The following PTPRD variants were observed in gnomAD, a reference collection of about 807,000 sequenced individuals.
The protein encoded by PTPRD is protein tyrosine phosphatase receptor type D.
A neutral mutation model predicts 214.5 loss-of-function variants in PTPRD; 34 were observed. The observed-to-expected ratio is 0.16, with a 90% CI of 0.12 to 0.21. PTPRD has a LOEUF of 0.21. PTPRD is among the 10% of genes least tolerant of loss of function. PTPRD has a pLI of 1.00. For synonymous variants in PTPRD, 1,128 were observed against 845.7 expected (o/e 1.33, Z -5.79); for missense variants, 2,545 against 2,398.7 (o/e 1.06, Z -1.27).
At chr9:8,750,778 T>A (rs527251428) in intron 11 of PTPRD, among the ~76,000 whole-genome samples, 6 of 152,080 alleles carry the variant, frequency 3.9e-5, no homozygotes, top group African/African-American at 1.4e-4. Flanking sequence ...TGGGCCCAGG[T>A]TGCACAGGGC....
intron 5 of PTPRD, among the ~76,000 whole-genome samples, chr9:9,848,915 A>T (rs538757939): frequency 1.3e-5 from 2 of 152,194 alleles, no homozygotes; most frequent in South Asian, 4.1e-4. Flanking sequence ...ATAAAAAATG[A>T]GCACTTTGGT....
intron 10 of PTPRD, among the ~76,000 whole-genome samples, chr9:9,177,269 GGGGAAAC>G (rs2099925479): frequency 6.6e-6 from 1 of 151,896 alleles, no homozygotes; most frequent in East Asian, 1.9e-4. Flanking sequence ...AAACAGCATG[GGGGAAAC>G]TGCCCCCATG....
intron 5 of PTPRD, among the ~76,000 whole-genome samples, chr9:9,824,411 T>A (rs771051375): frequency 2.0e-5 from 3 of 152,032 alleles, no homozygotes; most frequent in African/African-American, 2.4e-5. Flanking sequence ...CTAAATAATT[T>A]TTGTCATACC....
At chr9:10,172,374 A>G (rs956839797) in intron 3 of PTPRD, among the ~76,000 whole-genome samples, 1 of 152,216 alleles carries the variant, frequency 6.6e-6, no homozygotes, top group Non-Finnish European at 1.5e-5. Context: ...GATCTTATTA[A>G]AGACAGTTAA....
At chr9:9,178,871 C>G (rs2099926491) in intron 10 of PTPRD, among the ~76,000 whole-genome samples, 1 of 152,094 alleles carries the variant, frequency 6.6e-6, no homozygotes, top group Non-Finnish European at 1.5e-5. Context: ...AGTCTACATA[C>G]ACAATTAACC....
At chr9:9,463,294 T>C (rs2093833799) in intron 8 of PTPRD, among the ~76,000 whole-genome samples, 1 of 152,184 alleles carries the variant, frequency 6.6e-6, no homozygotes, top group African/African-American at 2.4e-5. Flanking sequence ...GGAATAATTG[T>C]CACAACAACA....
chr9:9,670,268 G>A (rs867835219), intron 7 of PTPRD, among the ~76,000 whole-genome samples: 22 of 145,114 alleles, frequency 1.5e-4, no homozygotes, highest in South Asian at 8.4e-4. Context: ...TTGAACTTGA[G>A]AGAGATGATT....
At chr9:9,361,216 G>A (rs898519694) in intron 9 of PTPRD, among the ~76,000 whole-genome samples, 9 of 150,864 alleles carry the variant, frequency 6.0e-5, no homozygotes, top group African/African-American at 1.5e-4. Flanking sequence ...CATTCTTTTC[G>A]CATATAATCC....
chr9:8,423,855 G>C (rs948017469), intron 35 of PTPRD, among the ~76,000 whole-genome samples: 1 of 151,964 alleles, frequency 6.6e-6, no homozygotes, highest in African/African-American at 2.4e-5. Flanking sequence ...CCTAGATCAA[G>C]ATCAGAAGTC....
chr9:9,820,777 A>G (rs887002621), intron 5 of PTPRD, among the ~76,000 whole-genome samples: 1 of 152,126 alleles, frequency 6.6e-6, no homozygotes, highest in Non-Finnish European at 1.5e-5. Context: ...GCTTCATTGT[A>G]TATCAGATGG....
intron 10 of PTPRD, among the ~76,000 whole-genome samples, chr9:9,051,158 T>C (rs940810902): frequency 6.6e-6 from 1 of 152,130 alleles, no homozygotes; most frequent in African/African-American, 2.4e-5. Flanking sequence ...AAGTGAGCAA[T>C]AAATAAAATT....
At chr9:10,492,028 G>C (rs1419834825) in intron 2 of PTPRD, among the ~76,000 whole-genome samples, 1 of 152,090 alleles carries the variant, frequency 6.6e-6, no homozygotes, top group East Asian at 1.9e-4. Context: ...CTATGTCCCT[G>C]CAAAGGATGT....
rs565248438 is a variant in PTPRD, at chr9:9,692,025, T to C, written c.-287+42508A>G. ...ACTCCATATATACTCTGGTTATTAA[T>C]CTCCTGTCAAGTGAGTAGTTTGGAA... is the stretch of plus-strand genomic sequence containing the variant. On this transcript the variant is annotated intron_variant, in intron 7 of 45. Coordinates refer to ENST00000381196, the MANE Select transcript of PTPRD (RefSeq NM_002839.4). 3.9e-5 allele frequency among the ~76,000 whole-genome samples: 6 copies of C among 152,240 alleles called. No homozygotes were observed. In the South Asian group the frequency reaches 8.3e-4, roughly 21 times the overall value.
intron 10 of PTPRD, among the ~76,000 whole-genome samples, chr9:9,031,388 T>G (rs1265630401): frequency 6.6e-6 from 1 of 151,982 alleles, no homozygotes; most frequent in East Asian, 1.9e-4. Flanking sequence ...CTAGATAGCA[T>G]AGCCCACTAC....
chr9:10,300,654 T>C (rs1026728356), intron 3 of PTPRD, among the ~76,000 whole-genome samples: 1 of 152,076 alleles, frequency 6.6e-6, no homozygotes, highest in Admixed American at 6.5e-5. Context: ...ACCAGGAAGT[T>C]TGAAATGGGC....
intron 4 of PTPRD, among the ~76,000 whole-genome samples, chr9:9,974,126 A>T (rs1032050858): frequency 9.2e-5 from 14 of 152,240 alleles, no homozygotes; most frequent in African/African-American, 3.1e-4. Context: ...CTTGCAGAAT[A>T]AATGGAGAAG....
intron 2 of PTPRD, among the ~76,000 whole-genome samples, chr9:10,409,151 A>G (rs979889223): frequency 6.6e-6 from 1 of 151,862 alleles, no homozygotes; most frequent in Non-Finnish European, 1.5e-5. Context: ...GTGGGCTACA[A>G]CACACAAAAT....
chr9:9,516,774 G>C (rs1471434297), intron 8 of PTPRD, among the ~76,000 whole-genome samples: 1 of 146,308 alleles, frequency 6.8e-6, no homozygotes, highest in African/African-American at 2.4e-5. Context: ...TTGACCTCAT[G>C]ATCTGCCCTC....
chr9:9,517,490 T>C (rs1458816494), intron 8 of PTPRD, among the ~76,000 whole-genome samples: 1 of 152,074 alleles, frequency 6.6e-6, no homozygotes, highest in Non-Finnish European at 1.5e-5. Context: ...CTGTTCACTT[T>C]CACACCTCCA....
Sources: allele counts gnomAD v4.1 joint callset (sites outside exome capture counted in the v4.1 genomes callset), GRCh38; gene constraint gnomAD v4.1.1; transcripts MANE v1.5; gene names NCBI Gene and HGNC (gene_info 2026-07-23, HGNC 2026-07-21).